The following EXOSC5 variants were observed in gnomAD, a reference collection of about 807,000 sequenced individuals.
EXOSC5 encodes the protein exosome component 5, also known as exosome complex component RRP46.
Under a neutral mutation model 23.7 loss-of-function variants are expected in EXOSC5, and 15 were observed. That is an observed-to-expected ratio of 0.63 (90% CI 0.42 to 0.97). EXOSC5 has a LOEUF of 0.97. EXOSC5 is among the 50% of genes least tolerant of loss of function. EXOSC5 has a pLI of 0.00. For synonymous variants in EXOSC5, 143 were observed against 140.9 expected (o/e 1.02, Z -0.11); for missense variants, 305 against 316.3 (o/e 0.96, Z 0.27).
rs766504163 is a variant in EXOSC5, at chr19:41,386,501, C to T, written c.*132G>A. 18 of 814,558 alleles carry T rather than the reference C, an allele frequency of 2.2e-5. No homozygotes were observed. Among genetic ancestry groups the T allele is most frequent in the Non-Finnish European group, 3.2e-5 (17 of 524,960 alleles). The allele number at this position is 814,558 out of a possible 1,614,324, so 50.5% of individuals were successfully genotyped here. A position where few individuals can be genotyped will look rare whatever the true frequency, so the allele number is the denominator to read the frequency against. ...ACAGGCCAAGGCCTCCCCACAGGAG[C>T]CCTGTGGTTACAGAGCTGCAGGCTC... On this transcript the variant is annotated 3_prime_UTR_variant, in exon 6 of 6. Transcript: ENST00000221233.
At chr19:41,391,558 C>A (rs982298102) in intron 3 of EXOSC5, 3 of 362,234 alleles carry the variant, frequency 8.3e-6, no homozygotes, top group Non-Finnish European at 1.5e-5. Context: ...TGCCAGGGTC[C>A]GTGGGCTCTA....
At position 41,389,871 on chromosome 19, in the gene EXOSC5, G is replaced by A. The variant is rs1157498568; in HGVS notation, c.419C>T (p.Ala140Val). The A allele has an allele frequency of 1.2e-6, 2 of 1,613,202 alleles. No homozygotes were observed. Among genetic ancestry groups the A allele is most frequent in the Non-Finnish European group, 1.7e-6 (2 of 1,179,666 alleles). ...LACCLNAACM[A>V]LVDAGVPMRA... ...CATGGGCACACCTGCATCCACCAAT[G>A]CCATGCAGGCGGCATTCAGACAACA... The change falls in exon 4 of 6, where the codon GCA becomes GTA. Residue 140 changes from alanine to valine, a missense_variant. Coordinates refer to ENST00000221233, the MANE Select transcript of EXOSC5 (RefSeq NM_020158.4).
At chr19:41,388,533 G>C (rs1404562792) in intron 4 of EXOSC5, among the ~76,000 whole-genome samples, 1 of 152,240 alleles carries the variant, frequency 6.6e-6, no homozygotes, top group Non-Finnish European at 1.5e-5. Flanking sequence ...CAACACGACA[G>C]AACAGGAGGT....
chr19:41,392,216 AC>A, intron 2 of EXOSC5: 1 of 504,176 alleles, frequency 2.0e-6, no homozygotes, highest in Admixed American at 4.5e-5. Flanking sequence ...CTGTGCTGCT[AC>A]CCACGCCCAC....
chr19:41,389,953 A>G, intron 3 of EXOSC5, 48 bp from the exon 4 acceptor site: 1 of 1,529,848 alleles, frequency 6.5e-7, no homozygotes, highest in Non-Finnish European at 8.8e-7. Context: ...TTTTTTGGAG[A>G]TGGAGTTTCG....
intron 3 of EXOSC5, among the ~76,000 whole-genome samples, chr19:41,390,309 A>T (rs924580135): frequency 1.3e-5 from 2 of 152,184 alleles, no homozygotes; most frequent in African/African-American, 4.8e-5. Context: ...CCTATGGCAG[A>T]CATCACTAAT....
Position 41,391,689 on chromosome 19 carries a change from T to C in EXOSC5, c.384+152A>G, listed in dbSNP as rs2039023339. 5 of 1,022,970 alleles carry C rather than the reference T, an allele frequency of 4.9e-6. No homozygotes were observed. In the Admixed American group the frequency reaches 1.3e-4, roughly 26 times the overall value. 63.4% of individuals were successfully genotyped at this position (1,022,970 alleles called of 1,614,324 possible). On this transcript the variant is annotated intron_variant, in intron 3 of 5. Transcript: ENST00000221233. ...CACAGAACAGTGCCTGGCACATAAG[T>C]AAGCACCCAGGCTGTTTGCTCTCCT...
chr19:41,391,299 T>C (rs1053848220), intron 3 of EXOSC5, among the ~76,000 whole-genome samples: 11 of 151,938 alleles, frequency 7.2e-5, no homozygotes, highest in Non-Finnish European at 1.2e-4. Context: ...GCCCGGGAGG[T>C]AGAGGTTGCA....
At chr19:41,391,234 A>G (rs1410502584) in intron 3 of EXOSC5, among the ~76,000 whole-genome samples, 2 of 152,176 alleles carry the variant, frequency 1.3e-5, no homozygotes, top group Non-Finnish European at 2.9e-5. Flanking sequence ...GCGTGGTGGC[A>G]GGCACCTGTA....
intron 1 of EXOSC5, 124 bp downstream of exon 1, chr19:41,397,057 G>A: frequency 8.8e-7 from 1 of 1,135,606 alleles, no homozygotes; most frequent in Non-Finnish European, 1.3e-6. Context: ...TATTCAATCG[G>A]ACAAGAAATC....
At position 41,392,910 on chromosome 19, in the gene EXOSC5, C is replaced by G; in HGVS notation, c.219G>C (p.Lys73Asn). 2 of 1,613,910 alleles carry G rather than the reference C, an allele frequency of 1.2e-6. No individual in the cohort carries two copies. The highest frequency in any genetic ancestry group is 1.7e-6 in the Non-Finnish European group (2 of 1,180,006). ...GCCTCAGGATCACTTCGAGTGTGGC[C>G]TTGTTGAAAATCTCTTTGCTGACCT... Reference protein sequence around the residue: ...EVKVSKEIFNKATLEVILRPK... With the variant: ...EVKVSKEIFNNATLEVILRPK... Residue 73 changes from lysine (K) to asparagine (N), a missense_variant, in exon 2 of 6, where the codon AAG becomes AAC. By Grantham distance (94) the Lys-to-Asn change is moderately conservative (BLOSUM62 0). Transcript: ENST00000221233.
At chr19:41,397,106 G>A in intron 1 of EXOSC5, 75 bp downstream of exon 1, 1 of 1,506,894 alleles carries the variant, frequency 6.6e-7, no homozygotes. Context: ...AGCTGGTATC[G>A]TGAGGAGGTG....
Position 41,389,678 on chromosome 19 carries a change from G to A in EXOSC5, c.525+87C>T, listed in dbSNP as rs188058732. 1,429 of 1,517,876 alleles carry A rather than the reference G, an allele frequency of 9.4e-4. 5 individuals carry two copies. The highest frequency in any genetic ancestry group is 3.1e-3 in the Middle Eastern group (17 of 5,410). The allele number at this position is 1,517,876 out of a possible 1,614,324, so 94.0% of individuals were successfully genotyped here. A position where few individuals can be genotyped will look rare whatever the true frequency, so the allele number is the denominator to read the frequency against. Reference sequence around the variant, plus strand: ...AAGTGGGATTGAGGTGGCATGAGCCGACTGTCTGTAGAGAAGCGAGGCCTG... The same window carrying A: ...AAGTGGGATTGAGGTGGCATGAGCCAACTGTCTGTAGAGAAGCGAGGCCTG... On this transcript the variant is annotated intron_variant, in intron 4 of 5. Transcript: ENST00000221233.
chr19:41,392,990 C>A lies in EXOSC5; in HGVS notation c.149-10G>T, dbSNP rs775284494. ...AGGACAGAGGTGTCACCTGAGGAGA[C>A]AGCAGGGAGGGCCTCACTCACAGCT... On this transcript the variant is annotated splice_polypyrimidine_tract_variant and intron_variant, in intron 1 of 5. Transcript: ENST00000221233. 6.2e-7 allele frequency: 1 copy of A among 1,611,542 alleles called. No individual in the cohort carries two copies. The highest frequency in any genetic ancestry group is 8.5e-7 in the Non-Finnish European group (1 of 1,179,050).
At chr19:41,395,303 G>A (rs985987670) in intron 1 of EXOSC5, among the ~76,000 whole-genome samples, 5 of 152,164 alleles carry the variant, frequency 3.3e-5, no homozygotes, top group Admixed American at 6.5e-5. Context: ...GACTGGAGAA[G>A]TTACCAAAAC....
intron 2 of EXOSC5, among the ~76,000 whole-genome samples, chr19:41,392,557 C>T (rs920119195): frequency 2.7e-5 from 4 of 150,880 alleles, no homozygotes; most frequent in South Asian, 4.2e-4. Flanking sequence ...GCACTCCAGC[C>T]GGGGTGACAG....
intron 2 of EXOSC5, among the ~76,000 whole-genome samples, chr19:41,392,342 G>T (rs899625642): frequency 6.6e-6 from 1 of 152,194 alleles, no homozygotes; most frequent in African/African-American, 2.4e-5. Context: ...AACACTTTGG[G>T]GGGCTGAGGC....
rs537443360 is a variant in EXOSC5, at chr19:41,392,190, C to A, written c.263-228G>T. 15 of 569,038 alleles carry A rather than the reference C, an allele frequency of 2.6e-5. No individual in the cohort carries two copies. In the East Asian group the frequency reaches 4.3e-4, roughly 16 times the overall value. The allele number at this position is 569,038 out of a possible 1,614,324, so 35.2% of individuals were successfully genotyped here. On this transcript the variant is annotated intron_variant, in intron 2 of 5. Coordinates refer to ENST00000221233, the MANE Select transcript of EXOSC5 (RefSeq NM_020158.4). The stretch of plus-strand genomic sequence containing the variant: ...AAGGGAACCATCCAAGGGAAGAAGA[C>A]CTGGGAGTTCCATGTCTGTGCTGCT...
chr19:41,396,176 A>G (rs935733674), intron 1 of EXOSC5, among the ~76,000 whole-genome samples: 5 of 151,914 alleles, frequency 3.3e-5, no homozygotes, highest in Non-Finnish European at 5.9e-5. Context: ...CCAGGAGTTC[A>G]AGACCAACCT....
Sources: allele counts gnomAD v4.1 joint callset (sites outside exome capture counted in the v4.1 genomes callset), GRCh38; gene constraint gnomAD v4.1.1; transcripts MANE v1.5; gene names NCBI Gene and HGNC (gene_info 2026-07-23, HGNC 2026-07-21).